MIPOL1: variants seen among roughly 807,000 people sequenced by gnomAD.
MIPOL1 encodes mirror-image polydactyly gene 1 protein.
In MIPOL1, 57 loss-of-function variants were observed where a neutral mutation model predicts 60.9. The observed-to-expected ratio is 0.94, with a 90% CI of 0.76 to 1.17. The LOEUF is 1.17. MIPOL1 is among the 50% of genes most tolerant of loss of function. The pLI is 0.00. For missense variants in MIPOL1, 551 were observed against 511.6 expected (o/e 1.08, Z -0.74); for synonymous variants, 179 against 168.8 (o/e 1.06, Z -0.47).
chr14:37,391,444 G>A (rs2093236860), intron 10 of MIPOL1, among the ~76,000 whole-genome samples: 1 of 148,418 alleles, frequency 6.7e-6, no homozygotes, highest in African/African-American at 2.5e-5. Context: ...TCACCATGCT[G>A]GAGTGCCGTG....
chr14:37,426,570 C>CATATATATAT (rs68123796), intron 11 of MIPOL1, among the ~76,000 whole-genome samples: 5,013 of 85,306 alleles, frequency 0.059, 264 homozygotes, highest in South Asian at 0.13. Context: ...TCAAAATATA[C>CATATATATAT]ATATATATAT....
chr14:37,475,974 T>C (rs990603925), intron 11 of MIPOL1, among the ~76,000 whole-genome samples: 37 of 152,334 alleles, frequency 2.4e-4, no homozygotes, highest in African/African-American at 8.7e-4. Flanking sequence ...GGAATTTTTA[T>C]TGGGATTGTG....
At position 37,244,104 on chromosome 14, in the gene MIPOL1, C is replaced by CTTTTTTTTTTTTTTTTTTTTTTT. The variant is rs143933758; in HGVS notation, c.-198-2989_-198-2967dup. ...TTTTCTTCCATGTAAGACTCACTTC[C>CTTTTTTTTTTTTTTTTTTTTTTT]TTTTTTTTTTTTTTTTTTTTTTTTT... On this transcript the variant is annotated intron_variant, in intron 1 of 12. Coordinates refer to ENST00000684589, the MANE Select transcript of MIPOL1 (RefSeq NM_001388067.1). Among the ~76,000 whole-genome samples, 4 of 51,588 alleles carry CTTTTTTTTTTTTTTTTTTTTTTT rather than the reference C, an allele frequency of 7.8e-5. 2 individuals carry two copies. The highest frequency in any genetic ancestry group is 1.4e-4 in the Non-Finnish European group (4 of 29,552). The allele number at this position is 51,588 out of a possible 152,430, so 33.8% of individuals were successfully genotyped here.
chr14:37,350,956 G>C (rs1029687398), intron 9 of MIPOL1, among the ~76,000 whole-genome samples: 35 of 151,782 alleles, frequency 2.3e-4, no homozygotes, highest in Admixed American at 9.2e-4. Flanking sequence ...TGTGCACATT[G>C]TGCAGGTTAG....
chr14:37,477,724 C>A (rs1266993182), intron 11 of MIPOL1, among the ~76,000 whole-genome samples: 1 of 152,168 alleles, frequency 6.6e-6, no homozygotes, highest in Non-Finnish European at 1.5e-5. Flanking sequence ...AAAAGACCCT[C>A]CCAGCCCATT....
At chr14:37,443,457 C>CAAAAA (rs3062712) in intron 11 of MIPOL1, among the ~76,000 whole-genome samples, 1 of 45,464 alleles carries the variant, frequency 2.2e-5, no homozygotes, top group South Asian at 1.1e-3. Context: ...ACTATCTCAC[C>CAAAAA]AAAAAAAAAA....
chr14:37,255,420 A>T (rs1228788020), intron 3 of MIPOL1, among the ~76,000 whole-genome samples: 5 of 151,808 alleles, frequency 3.3e-5, no homozygotes, highest in South Asian at 4.1e-4. Context: ...ATACATTTTT[A>T]AAAAGTTTCT....
At chr14:37,442,737 C>T (rs1360211773) in intron 11 of MIPOL1, among the ~76,000 whole-genome samples, 1 of 151,640 alleles carries the variant, frequency 6.6e-6, no homozygotes. Context: ...TTTACAATAG[C>T]ATCAAAAAGA....
chr14:37,203,876 G>C (rs533088419), intron 1 of MIPOL1, among the ~76,000 whole-genome samples: 1 of 152,096 alleles, frequency 6.6e-6, no homozygotes, highest in Non-Finnish European at 1.5e-5. Context: ...TCCGCCTCCC[G>C]GGTTCAAGCA....
At chr14:37,463,397 A>T (rs1158515311) in intron 11 of MIPOL1, among the ~76,000 whole-genome samples, 3 of 152,158 alleles carry the variant, frequency 2.0e-5, no homozygotes, top group Admixed American at 2.0e-4. Flanking sequence ...ATCAGTACAG[A>T]TAGAAAAATA....
At chr14:37,432,377 TAAAC>T (rs1272272967) in intron 11 of MIPOL1, among the ~76,000 whole-genome samples, 1 of 152,210 alleles carries the variant, frequency 6.6e-6, no homozygotes, top group Admixed American at 6.5e-5. Flanking sequence ...CACAAATGAA[TAAAC>T]AAAGTTAACA....
chr14:37,208,322 A>G (rs1966429324), intron 1 of MIPOL1, among the ~76,000 whole-genome samples: 2 of 152,298 alleles, frequency 1.3e-5, no homozygotes, highest in East Asian at 1.9e-4. Flanking sequence ...TTTATTGTCT[A>G]TTGAAGCATA....
intron 11 of MIPOL1, among the ~76,000 whole-genome samples, chr14:37,495,487 C>T (rs375860993): frequency 2.0e-5 from 3 of 150,260 alleles, no homozygotes; most frequent in African/African-American, 7.4e-5. Flanking sequence ...TGCATAGTAT[C>T]CCATGGTGTA....
At chr14:37,516,795 T>A (rs1404702515) in intron 12 of MIPOL1, among the ~76,000 whole-genome samples, 3 of 152,298 alleles carry the variant, frequency 2.0e-5, no homozygotes, top group Admixed American at 2.0e-4. Context: ...TGTATTTTTT[T>A]AGAATAAACT....
chr14:37,347,565 A>G (rs960272153), intron 9 of MIPOL1, among the ~76,000 whole-genome samples: 17 of 152,308 alleles, frequency 1.1e-4, no homozygotes, highest in African/African-American at 3.8e-4. Context: ...ATAGCTGTGG[A>G]TTTTCCATCT....
chr14:37,403,487 T>G (rs1715632745), intron 10 of MIPOL1, among the ~76,000 whole-genome samples: 1 of 136,258 alleles, frequency 7.3e-6, no homozygotes, highest in Admixed American at 8.3e-5. Context: ...TCTTGCAGAG[T>G]CTGGTTTTGA....
chr14:37,485,562 T>C (rs1234861397), intron 11 of MIPOL1, among the ~76,000 whole-genome samples: 1 of 152,258 alleles, frequency 6.6e-6, no homozygotes, highest in African/African-American at 2.4e-5. Context: ...GTGGTTTTCA[T>C]TTGCATTTAT....
At chr14:37,426,031 C>T (rs150107700) in intron 11 of MIPOL1, among the ~76,000 whole-genome samples, 2 of 152,016 alleles carry the variant, frequency 1.3e-5, no homozygotes, top group Non-Finnish European at 2.9e-5. Flanking sequence ...AGAGAGGAAA[C>T]GTAGGTTAAG....
chr14:37,495,351 A>T (rs963077875), intron 11 of MIPOL1, among the ~76,000 whole-genome samples: 1 of 141,362 alleles, frequency 7.1e-6, no homozygotes, highest in Non-Finnish European at 1.5e-5. Flanking sequence ...TCATTGTTCA[A>T]TTCCCACCTA....
Sources: gnomAD v4.1 joint callset for allele counts (sites outside exome capture counted in the v4.1 genomes callset) on GRCh38, gnomAD v4.1.1 for gene constraint, MANE v1.5 for transcripts, NCBI Gene and HGNC (gene_info 2026-07-23, HGNC 2026-07-21) for gene names.